Variants in DPYD observed in about 807,000 individuals in gnomAD.
The protein encoded by DPYD is dihydropyrimidine dehydrogenase [NADP(+)].
Under a neutral mutation model 116.2 loss-of-function variants are expected in DPYD, and 109 were observed. The ratio of observed to expected loss-of-function variants is 0.94; its 90% CI spans 0.80 to 1.10. DPYD has a LOEUF of 1.10. Ranked by LOEUF, DPYD falls within the 50% of genes least tolerant of loss-of-function variation. The probability of loss-of-function intolerance (pLI) is 0.00; values close to 1 mark genes in which losing one functional copy is unlikely to be tolerated. For missense variants in DPYD, 1,302 were observed against 1,254.5 expected (o/e 1.04, Z -0.57); for synonymous variants, 440 against 432.0 (o/e 1.02, Z -0.23).
At chr1:97,263,195 T>C (rs1040931577) in intron 18 of DPYD, among the ~76,000 whole-genome samples, 3 of 152,116 alleles carry the variant, frequency 2.0e-5, no homozygotes, top group Non-Finnish European at 4.4e-5. Context: ...TTCTTTCTTT[T>C]AGCTTTTTAA....
At chr1:97,447,920 T>C (rs1217936631) in intron 14 of DPYD, among the ~76,000 whole-genome samples, 2 of 152,172 alleles carry the variant, frequency 1.3e-5, no homozygotes, top group African/African-American at 4.8e-5. Context: ...TTCATACCAT[T>C]CTCATGTTGC....
intron 20 of DPYD, among the ~76,000 whole-genome samples, chr1:97,102,590 T>A (rs1370761413): frequency 6.9e-6 from 1 of 145,266 alleles, no homozygotes; most frequent in African/African-American, 2.4e-5. Context: ...AAAAGTTGAC[T>A]TTTTTTTCCC....
intron 3 of DPYD, among the ~76,000 whole-genome samples, chr1:97,816,475 G>A (rs1390549809): frequency 2.0e-5 from 3 of 151,790 alleles, no homozygotes; most frequent in South Asian, 2.1e-4. Flanking sequence ...TTTTTCAATC[G>A]GTAGCAGATA....
At chr1:97,749,922 T>C (rs1157583055) in intron 3 of DPYD, among the ~76,000 whole-genome samples, 3 of 152,100 alleles carry the variant, frequency 2.0e-5, no homozygotes, top group Admixed American at 6.6e-5. Flanking sequence ...ACCTGGACCA[T>C]TTCCCCACTA....
chr1:97,727,542 G>A (rs2101040566), intron 4 of DPYD, among the ~76,000 whole-genome samples: 1 of 151,810 alleles, frequency 6.6e-6, no homozygotes, highest in Admixed American at 6.6e-5. Flanking sequence ...GAAAGGTAGG[G>A]AGCCCAAGAG....
chr1:97,130,880 T>G (rs1400010883), intron 20 of DPYD, among the ~76,000 whole-genome samples: 15 of 144,302 alleles, frequency 1.0e-4, no homozygotes, highest in Non-Finnish European at 2.1e-4. Flanking sequence ...CCTTCCTTCC[T>G]TCCTTCTTTC....
chr1:97,740,357 G>A (rs377319027), intron 4 of DPYD, 35 bp downstream of exon 4: 23 of 1,532,140 alleles, frequency 1.5e-5, no homozygotes, highest in Non-Finnish European at 1.9e-5. Context: ...ATCAAATACT[G>A]TTATTTTCAT....
chr1:97,578,249 C>T lies in DPYD; in HGVS notation c.1129-4279G>A, dbSNP rs561421311. Among the ~76,000 whole-genome samples, 7 of 152,142 alleles carry T rather than the reference C, an allele frequency of 4.6e-5. 1 individual carries two copies. The highest frequency in any genetic ancestry group is 1.7e-4 in the African/African-American group (7 of 41,496). ...TTACAGGTAATTCACTTAATCTTCA[C>T]ACAGAAAATACATATAATGCTTTAC... On this transcript the variant is annotated intron_variant, in intron 10 of 22. Transcript: ENST00000370192.
At chr1:97,711,249 G>A (rs1557900021) in intron 5 of DPYD, among the ~76,000 whole-genome samples, 1 of 151,782 alleles carries the variant, frequency 6.6e-6, no homozygotes, top group Admixed American at 6.6e-5. Flanking sequence ...GGTTAAAACT[G>A]ACCAAATATA....
intron 17 of DPYD, among the ~76,000 whole-genome samples, 179 bp downstream of exon 17, chr1:97,305,998 C>A (rs1174094742): frequency 6.6e-6 from 1 of 151,836 alleles, no homozygotes; most frequent in Non-Finnish European, 1.5e-5. Flanking sequence ...GGTCAATTTG[C>A]TAGCATGAGT....
At chr1:97,792,266 A>AT (rs1667357632) in intron 3 of DPYD, among the ~76,000 whole-genome samples, 1 of 151,384 alleles carries the variant, frequency 6.6e-6, no homozygotes, top group South Asian at 2.1e-4. Flanking sequence ...CTGAGCTTTT[A>AT]TTTTTTTATT....
intron 19 of DPYD, among the ~76,000 whole-genome samples, chr1:97,222,188 G>T (rs530507583): frequency 1.3e-5 from 2 of 152,196 alleles, no homozygotes; most frequent in African/African-American, 4.8e-5. Flanking sequence ...AAGTCAGACC[G>T]TTAATTAGTC....
At chr1:97,118,598 T>C (rs551824082) in intron 20 of DPYD, among the ~76,000 whole-genome samples, 5 of 152,264 alleles carry the variant, frequency 3.3e-5, no homozygotes, top group Admixed American at 1.3e-4. Context: ...GCAGTGCCCA[T>C]TGAAGAGTAC....
At chr1:97,284,947 T>A (rs776455910) in intron 18 of DPYD, among the ~76,000 whole-genome samples, 1 of 152,190 alleles carries the variant, frequency 6.6e-6, no homozygotes, top group South Asian at 2.1e-4. Flanking sequence ...TTCAACCCAG[T>A]GTGAATTGCC....
intron 2 of DPYD, among the ~76,000 whole-genome samples, chr1:97,835,874 A>G: frequency 6.6e-6 from 1 of 152,118 alleles, no homozygotes; most frequent in East Asian, 1.9e-4. Flanking sequence ...GCTCTCCAAG[A>G]GCAATTTAAA....
intron 20 of DPYD, among the ~76,000 whole-genome samples, chr1:97,143,592 A>G (rs1401952032): frequency 1.3e-5 from 2 of 152,102 alleles, no homozygotes; most frequent in African/African-American, 4.8e-5. Flanking sequence ...CAACCTCTAT[A>G]AAATAGTAAA....
chr1:97,164,921 G>C (rs1004121720), intron 20 of DPYD, among the ~76,000 whole-genome samples: 1 of 151,734 alleles, frequency 6.6e-6, no homozygotes, highest in Admixed American at 6.6e-5. Flanking sequence ...TGTTAGCCAG[G>C]ATGGTCTCGA....
chr1:97,838,773 A>G (rs959538154), intron 2 of DPYD, among the ~76,000 whole-genome samples: 1 of 152,126 alleles, frequency 6.6e-6, no homozygotes, highest in Non-Finnish European at 1.5e-5. Context: ...TGAACCCGGG[A>G]GGCGGAGCTT....
intron 16 of DPYD, among the ~76,000 whole-genome samples, chr1:97,327,381 T>C (rs1027850408): frequency 6.6e-6 from 1 of 152,046 alleles, no homozygotes; most frequent in African/African-American, 2.4e-5. Context: ...GAAACAACTA[T>C]TTACCATAAT....
Sources: allele counts gnomAD v4.1 joint callset (sites outside exome capture counted in the v4.1 genomes callset), GRCh38; gene constraint gnomAD v4.1.1; transcripts MANE v1.5; gene names NCBI Gene and HGNC (gene_info 2026-07-23, HGNC 2026-07-21).